The following ARRDC5 variants were observed in gnomAD, a reference collection of about 807,000 sequenced individuals.
ARRDC5 encodes the protein arrestin domain-containing protein 5.
Under a neutral mutation model 13.3 loss-of-function variants are expected in ARRDC5, and 12 were observed. The ratio of observed to expected loss-of-function variants is 0.90; its 90% CI spans 0.58 to 1.46. ARRDC5 has a LOEUF of 1.46. Among genes scored for constraint, ARRDC5 ranks in the 40% most tolerant of loss-of-function variants. The pLI, the probability that ARRDC5 is intolerant of heterozygous loss-of-function variation, is 0.00. For synonymous variants in ARRDC5, 181 were observed against 173.4 expected (o/e 1.04, Z -0.34); for missense variants, 406 against 418.7 (o/e 0.97, Z 0.26).
chr19:4,891,629 T>A lies in ARRDC5; in HGVS notation c.460-56A>T, dbSNP rs2031516925. On this transcript the variant is annotated intron_variant, in intron 2 of 2. Coordinates refer to ENST00000650722, the MANE Select transcript of ARRDC5 (RefSeq NM_001080523.3). ...GAGGGACCAGGACCACAAAATCCAC[T>A]TGCCTGCCTGATCCACCCTGGGAAC... 5 of 1,503,388 alleles carry A rather than the reference T, an allele frequency of 3.3e-6. No homozygotes were observed. The Admixed American group carries it at 9.9e-5, about 30-fold the overall frequency. The allele number at this position is 1,503,388 out of a possible 1,614,324, so 93.1% of individuals were successfully genotyped here.
At chr19:4,907,870 G>A (rs1490999198), upstream of ARRDC5, among the ~76,000 whole-genome samples, 1 of 151,810 alleles carries the variant, frequency 6.6e-6, no homozygotes, top group Non-Finnish European at 1.5e-5. Flanking sequence ...GTGCCACCAC[G>A]CCAGGCTAAT....
chr19:4,910,017 G>A, the ARRDC5 span: 2 of 178,262 alleles, frequency 1.1e-5, no homozygotes, highest in Non-Finnish European at 2.3e-5. Flanking sequence ...GGAGCATCTG[G>A]GCCAATGGGG....
At chr19:4,903,137 C>G, upstream of ARRDC5, 1 of 334,654 alleles carries the variant, frequency 3.0e-6, no homozygotes, top group East Asian at 6.3e-5. Context: ...AGCAATTCTC[C>G]TGCCTCAGCC....
chr19:4,906,389 A>G (rs1324828172), upstream of ARRDC5, among the ~76,000 whole-genome samples: 2 of 152,084 alleles, frequency 1.3e-5, no homozygotes, highest in East Asian at 1.9e-4. Context: ...AGGGCTAGAT[A>G]CCTCCTCTGT....
chr19:4,903,025 G>GGTTCTTTTTCACTC, upstream of ARRDC5: 28 of 560,820 alleles, frequency 5.0e-5, no homozygotes, highest in African/African-American at 7.3e-4. Flanking sequence ...AGTCCTCACT[G>GGTTCTTTTTCACTC]GTTCTTTTTT....
At chr19:4,915,031 C>A in the ARRDC5 span, among the ~76,000 whole-genome samples, 3 of 152,252 alleles carry the variant, frequency 2.0e-5, no homozygotes, top group East Asian at 5.8e-4. Flanking sequence ...CCTCCACCCA[C>A]TCCATGCCAG....
chr19:4,895,422 C>CAAAAAAAAAAAAA (rs1039157516), intron 2 of ARRDC5, among the ~76,000 whole-genome samples: 20 of 70,686 alleles, frequency 2.8e-4, no homozygotes, highest in Non-Finnish European at 5.1e-4. Context: ...GACTCCGTCT[C>CAAAAAAAAAAAAA]AAAAAAAAAA....
the ARRDC5 span, among the ~76,000 whole-genome samples, chr19:4,908,704 T>C: frequency 6.6e-6 from 1 of 152,170 alleles, no homozygotes; most frequent in Admixed American, 6.6e-5. Context: ...CACTCTCCTA[T>C]AAGGAATCAT....
At chr19:4,911,320 T>C in the ARRDC5 span, among the ~76,000 whole-genome samples, 3 of 152,084 alleles carry the variant, frequency 2.0e-5, no homozygotes, top group African/African-American at 7.2e-5. Context: ...CTCAAAATAA[T>C]GGCTAGAGAA....
Position 4,896,823 on chromosome 19 carries a change from G to C in ARRDC5, c.307C>G (p.Pro103Ala), listed in dbSNP as rs1321045617. 1 of 1,613,910 alleles carries C rather than the reference G, an allele frequency of 6.2e-7. No homozygotes were observed. Among genetic ancestry groups the C allele is most frequent in the East Asian group, 2.2e-5 (1 of 44,878 alleles). The change falls in exon 2 of 3, where the codon CCC becomes GCC. Residue 103 changes from proline (P) to alanine (A), a missense_variant. Coordinates refer to ENST00000650722, the MANE Select transcript of ARRDC5 (RefSeq NM_001080523.3). ...HTFDFHFNLP[P>A]RLPSTFTSKF... ...CTGGTGAAGGTAGAAGGAAGCCTGG[G>C]AGGTAAGTTGAAATGGAAGTCAAAG...
chr19:4,913,838 T>C, the ARRDC5 span, among the ~76,000 whole-genome samples: 2 of 146,380 alleles, frequency 1.4e-5, no homozygotes, highest in African/African-American at 2.5e-5. Context: ...TTGGAGACAG[T>C]TTCGCTCTTA....
chr19:4,911,447 T>G, the ARRDC5 span, among the ~76,000 whole-genome samples: 1 of 152,160 alleles, frequency 6.6e-6, no homozygotes, highest in African/African-American at 2.4e-5. Context: ...CACCACCAAT[T>G]GCTCTCAGCC....
chr19:4,891,778 A>C (rs1056844009), intron 2 of ARRDC5, among the ~76,000 whole-genome samples: 8 of 152,072 alleles, frequency 5.3e-5, no homozygotes, highest in African/African-American at 1.7e-4. Context: ...AACATGGCGA[A>C]ACTCCATCTA....
the ARRDC5 span, among the ~76,000 whole-genome samples, chr19:4,914,464 C>A: frequency 2.0e-5 from 3 of 152,022 alleles, no homozygotes; most frequent in South Asian, 6.2e-4. Context: ...TTGATGGAGA[C>A]CCCAGAGCAG....
At chr19:4,910,452 C>G in the ARRDC5 span, 1 of 154,000 alleles carries the variant, frequency 6.5e-6, no homozygotes, top group African/African-American at 2.4e-5. Flanking sequence ...CCCGGGACTT[C>G]TGAAGTTCCG....
In ARRDC5 at chr19:4,891,694, C is replaced by T. The variant is rs190726696; in HGVS notation, c.460-121G>A. On this transcript the variant is annotated intron_variant, in intron 2 of 2. Transcript: ENST00000650722. ...GGGGCTGGCTGGGCACGATAGCTCA[C>T]GCCTATAATCCCAACACCTTGGGAG... 53 of 850,726 alleles carry T rather than the reference C, an allele frequency of 6.2e-5. No individual in the cohort carries two copies. In the Admixed American group the frequency reaches 1.2e-3, roughly 20 times the overall value. The allele number at this position is 850,726 out of a possible 1,614,324, so 52.7% of individuals were successfully genotyped here. A position where few individuals can be genotyped will look rare whatever the true frequency, so the allele number is the denominator to read the frequency against.
At chr19:4,899,565 G>A (rs1447263050) in intron 1 of ARRDC5, among the ~76,000 whole-genome samples, 1 of 151,646 alleles carries the variant, frequency 6.6e-6, no homozygotes, top group Non-Finnish European at 1.5e-5. Flanking sequence ...CCAGGAGGTG[G>A]AGGTTGCAGT....
At position 4,890,998 on chromosome 19, in the gene ARRDC5, C is replaced by T; in HGVS notation, c.*48G>A. On this transcript the variant is annotated 3_prime_UTR_variant, in exon 3 of 3. Transcript: ENST00000650722. ...TCACCTGTGCAAGAGAGAGGGCTTC[C>T]TCCTGGTAGAGACTAATAAAGCTTT... is the stretch of plus-strand genomic sequence containing the variant. The T allele has an allele frequency of 1.1e-5, 17 of 1,514,996 alleles. No individual in the cohort carries two copies. Among genetic ancestry groups the T allele is most frequent in the Non-Finnish European group, 1.5e-5 (17 of 1,120,422 alleles). The allele number at this position is 1,514,996 out of a possible 1,614,324, so 93.8% of individuals were successfully genotyped here.
chr19:4,912,095 C>T, the ARRDC5 span, among the ~76,000 whole-genome samples: 1 of 152,170 alleles, frequency 6.6e-6, no homozygotes, highest in African/African-American at 2.4e-5. Context: ...AGGAGACCTT[C>T]ATTAGCCCTC....
Sources: gnomAD v4.1 joint callset for allele counts (sites outside exome capture counted in the v4.1 genomes callset) on GRCh38, gnomAD v4.1.1 for gene constraint, MANE v1.5 for transcripts, NCBI Gene and HGNC (gene_info 2026-07-23, HGNC 2026-07-21) for gene names.